PDE1C: variants seen among roughly 807,000 people sequenced by gnomAD.
PDE1C encodes the protein dual specificity calcium/calmodulin-dependent 3',5'-cyclic nucleotide phosphodiesterase 1C.
A neutral mutation model predicts 93.1 loss-of-function variants in PDE1C; 62 were observed. The ratio of observed to expected loss-of-function variants is 0.67; its 90% CI spans 0.54 to 0.82. The LOEUF is 0.82. Among genes scored for constraint, PDE1C ranks in the 40% least tolerant of loss-of-function variants. The pLI is 0.00. For synonymous variants in PDE1C, 325 were observed against 310.1 expected (o/e 1.05, Z -0.50); for missense variants, 742 against 884.6 (o/e 0.84, Z 2.04).
chr7:31,947,253 A>C (rs1201686205), intron 2 of PDE1C, among the ~76,000 whole-genome samples: 1 of 152,218 alleles, frequency 6.6e-6, no homozygotes, highest in Non-Finnish European at 1.5e-5. Context: ...TATGAGACCC[A>C]TCTGTAGCTT....
intron 3 of PDE1C, among the ~76,000 whole-genome samples, chr7:32,094,751 A>G (rs1447788661): frequency 1.3e-5 from 2 of 152,144 alleles, no homozygotes; most frequent in African/African-American, 4.8e-5. Context: ...GTGGTTTCCT[A>G]TTACTCATAG....
Position 32,091,052 on chromosome 7 carries a change from C to T in PDE1C, c.308+78733G>A, listed in dbSNP as rs551692994. 1.6e-3 allele frequency among the ~76,000 whole-genome samples: 242 copies of T among 152,320 alleles called. 7 individuals carry two copies. Among genetic ancestry groups the T allele is most frequent in the Admixed American group, 0.016 (240 of 15,300 alleles). On this transcript the variant is annotated intron_variant, in intron 3 of 18. Transcript: ENST00000396193. The stretch of plus-strand genomic sequence containing the variant: ...TGTTATATGTGTTCTTGCATTACAT[C>T]CTCTTTACAGCTGCATAACAGCAAG...
chr7:31,712,286 G>GAATGAA, the PDE1C span, among the ~76,000 whole-genome samples: 2 of 151,288 alleles, frequency 1.3e-5, no homozygotes, highest in African/African-American at 2.4e-5. Context: ...GAGTGAGTGA[G>GAATGAA]TGAATGAATG....
At position 31,837,947 on chromosome 7, in the gene PDE1C, T is replaced by G. The variant is rs760925012; in HGVS notation, c.1005A>C (p.Glu335Asp). The change falls in exon 10 of 18, where the codon GAA becomes GAC. Residue 335 changes from glutamate to aspartate, a missense_variant. Physicochemically the swap from Glu to Asp is conservative, Grantham distance 45. Around this residue, in one of 4 missense-constraint regions of PDE1C, gnomAD observed 205 missense variants for 295.3 expected, o/e 0.69. Transcript: ENST00000396191. ...DWREFRTLVI[E>D]MVMATDMSCH... ...AAGACATATCTGTGGCCATCACCATTTCAATTACCAAGGTTCGAAACTCCC... is the reference window on the plus strand; with the variant it reads ...AAGACATATCTGTGGCCATCACCATGTCAATTACCAAGGTTCGAAACTCCC... 10 of 1,613,080 alleles carry G rather than the reference T, an allele frequency of 6.2e-6. No individual in the cohort carries two copies. The Admixed American group carries it at 1.3e-4, about 22-fold the overall frequency.
At chr7:32,201,078 T>C (rs1189244778) in intron 2 of PDE1C, among the ~76,000 whole-genome samples, 1 of 152,240 alleles carries the variant, frequency 6.6e-6, no homozygotes, top group Non-Finnish European at 1.5e-5. Flanking sequence ...TCTGCACACA[T>C]GTTAACAGCT....
chr7:31,694,614 C>A, the PDE1C span, among the ~76,000 whole-genome samples: 4 of 152,056 alleles, frequency 2.6e-5, no homozygotes, highest in Non-Finnish European at 5.9e-5. Context: ...AGACTATAAT[C>A]CTTAATCTCC....
At chr7:31,892,249 T>G (rs537816450) in intron 2 of PDE1C, among the ~76,000 whole-genome samples, 1 of 152,174 alleles carries the variant, frequency 6.6e-6, no homozygotes, top group Non-Finnish European at 1.5e-5. Flanking sequence ...CTGTGTCTGA[T>G]GACTTTGGAG....
intron 2 of PDE1C, among the ~76,000 whole-genome samples, chr7:32,046,216 A>ATT (rs1563244723): frequency 7.0e-6 from 1 of 142,634 alleles, no homozygotes; most frequent in African/African-American, 2.7e-5. Context: ...TTTTTTTTAA[A>ATT]AAAAAAAAAG....
Position 31,880,816 on chromosome 7 carries a change from A to G in PDE1C, c.173T>C (p.Val58Ala), listed in dbSNP as rs758828765. ...TTCCAAATTCTTCTTAAGATCTACC[A>G]CTGAAGCTTCCCCTCTCTCTAATTG... is the stretch of plus-strand genomic sequence containing the variant. Reference protein sequence around the residue: ...VKQLERGEASVVDLKKNLEYA... With the variant: ...VKQLERGEASAVDLKKNLEYA... Residue 58 changes from valine (V) to alanine (A), a missense_variant, in exon 3 of 18, where the codon GTG (valine) becomes GCG (alanine). Coordinates refer to ENST00000396191, the MANE Select transcript of PDE1C (RefSeq NM_001191057.4). 4 of 1,612,076 alleles carry G rather than the reference A, an allele frequency of 2.5e-6. No homozygotes were observed. Among genetic ancestry groups the G allele is most frequent in the Non-Finnish European group, 3.4e-6 (4 of 1,178,264 alleles).
chr7:32,169,880 T>G, exon 3 of PDE1C: 1 of 1,612,638 alleles, frequency 6.2e-7, no homozygotes, highest in Non-Finnish European at 8.5e-7. Flanking sequence ...GGACAATTGT[T>G]GGCCTTGGCT....
intron 1 of PDE1C, among the ~76,000 whole-genome samples, chr7:32,319,104 C>T (rs1783233060): frequency 6.6e-6 from 1 of 152,222 alleles, no homozygotes; most frequent in African/African-American, 2.4e-5. Flanking sequence ...ACGCCGTCAC[C>T]CGGGAGCTGC....
chr7:32,186,087 G>GGTT (rs1803833765), intron 2 of PDE1C, among the ~76,000 whole-genome samples: 3 of 128,568 alleles, frequency 2.3e-5, no homozygotes, highest in Admixed American at 7.8e-5. Context: ...TTGTTTTTTT[G>GGTT]TTTTTTTTTT....
chr7:32,251,036 G>T (rs550706814), intron 1 of PDE1C, among the ~76,000 whole-genome samples: 1 of 152,198 alleles, frequency 6.6e-6, no homozygotes, highest in African/African-American at 2.4e-5. Flanking sequence ...AGAAAATGAC[G>T]GATTATCAAC....
intron 1 of PDE1C, among the ~76,000 whole-genome samples, chr7:32,381,757 A>G (rs1173319840): frequency 6.6e-6 from 1 of 152,130 alleles, no homozygotes; most frequent in East Asian, 1.9e-4. Context: ...TGCCTTACAT[A>G]TTATCCTTGA....
intron 2 of PDE1C, among the ~76,000 whole-genome samples, chr7:32,010,728 C>T (rs557659183): frequency 1.0e-3 from 156 of 152,260 alleles, no homozygotes; most frequent in Middle Eastern, 0.01. Context: ...GAAGGAAGGA[C>T]GTGTTCCAGG....
intron 1 of PDE1C, among the ~76,000 whole-genome samples, chr7:32,287,275 C>T (rs1160874206): frequency 2.0e-5 from 3 of 152,214 alleles, no homozygotes; most frequent in Admixed American, 6.5e-5. Context: ...ATAATCACCT[C>T]TCCAGCCTCT....
chr7:31,695,450 T>C, the PDE1C span: 1 of 1,587,300 alleles, frequency 6.3e-7, no homozygotes, highest in Non-Finnish European at 8.5e-7. Context: ...TTTATTTCTT[T>C]GTATCCTGTC....
chr7:32,166,303 A>G (rs1028081011), intron 3 of PDE1C, among the ~76,000 whole-genome samples: 1 of 152,192 alleles, frequency 6.6e-6, no homozygotes, highest in African/African-American at 2.4e-5. Flanking sequence ...TCAGAAGTCC[A>G]ATTTTCGCAC....
intron 2 of PDE1C, among the ~76,000 whole-genome samples, chr7:31,901,484 G>A (rs550969879): frequency 6.6e-6 from 1 of 151,240 alleles, no homozygotes; most frequent in South Asian, 2.1e-4. Context: ...GATATAAAAT[G>A]AATATTGAAG....
Sources: allele counts gnomAD v4.1 joint callset (sites outside exome capture counted in the v4.1 genomes callset), GRCh38; gene constraint gnomAD v4.1.1; regional missense constraint gnomAD v4.1.1; transcripts MANE v1.5; gene names NCBI Gene and HGNC (gene_info 2026-07-23, HGNC 2026-07-21).